Variants in SPATA13 observed in about 807,000 individuals in gnomAD.
The protein encoded by SPATA13 is spermatogenesis associated 13.
Under a neutral mutation model 104.0 loss-of-function variants are expected in SPATA13, and 50 were observed. The ratio of observed to expected loss-of-function variants is 0.48; its 90% CI spans 0.38 to 0.61. SPATA13 has a LOEUF of 0.61. Among genes scored for constraint, SPATA13 ranks in the 20% least tolerant of loss-of-function variants. The pLI, the probability that SPATA13 is intolerant of heterozygous loss-of-function variation, is 0.00. For synonymous variants in SPATA13, 606 were observed against 667.5 expected (o/e 0.91, Z 1.42); for missense variants, 1,524 against 1,690.6 (o/e 0.90, Z 1.73).
chr13:23,996,516 A>G (rs1336006279), intron 2 of SPATA13, among the ~76,000 whole-genome samples: 1 of 152,210 alleles, frequency 6.6e-6, no homozygotes, highest in African/African-American at 2.4e-5. Context: ...AAAGAAAGTC[A>G]CCTAAGAAAA....
At chr13:24,257,266 G>A (rs529430511) in intron 4 of SPATA13, among the ~76,000 whole-genome samples, 8 of 152,172 alleles carry the variant, frequency 5.3e-5, no homozygotes, top group South Asian at 2.1e-4. Flanking sequence ...AGTTTACTTC[G>A]CTGTTAGACT....
chr13:24,188,685 G>GA (rs1869311979), intron 1 of SPATA13, among the ~76,000 whole-genome samples: 1 of 152,206 alleles, frequency 6.6e-6, no homozygotes, highest in African/African-American at 2.4e-5. Flanking sequence ...TAAGATAATT[G>GA]ATGAAGATGA....
intron 1 of SPATA13, among the ~76,000 whole-genome samples, chr13:24,162,901 G>A (rs1318707494): frequency 6.6e-6 from 1 of 152,216 alleles, no homozygotes; most frequent in Non-Finnish European, 1.5e-5. Flanking sequence ...TGGAAAGGAG[G>A]TTGTTATATG....
intron 1 of SPATA13, among the ~76,000 whole-genome samples, chr13:24,208,654 CA>C (rs1210148033): frequency 6.6e-5 from 10 of 152,038 alleles, no homozygotes; most frequent in African/African-American, 2.4e-4. Flanking sequence ...ATTCTCAGTT[CA>C]TGCACCCTGG....
chr13:24,008,901 G>C (rs1191265622), intron 2 of SPATA13, among the ~76,000 whole-genome samples: 4 of 152,306 alleles, frequency 2.6e-5, no homozygotes, highest in East Asian at 1.9e-4. Flanking sequence ...GGAGGGAAGA[G>C]GGGGGAAAGC....
Position 24,303,329 on chromosome 13 carries a change from C to T in SPATA13, c.*556C>T, listed in dbSNP as rs553227093. 6.7e-5 allele frequency: 21 copies of T among 313,308 alleles called. No individual in the cohort carries two copies. The highest frequency in any genetic ancestry group is 2.2e-4 in the African/African-American group (10 of 45,298). The allele number at this position is 313,308 out of a possible 1,614,324, so 19.4% of individuals were successfully genotyped here. On this transcript the variant is annotated 3_prime_UTR_variant, in exon 13 of 13. Coordinates refer to ENST00000382108, the MANE Select transcript of SPATA13 (RefSeq NM_001166271.3). ...GGCTGACCACGGTGTTCCCTGGCAT[C>T]GTCTGTGTCCACACAGATGCTAACT...
At chr13:24,132,398 C>T (rs1264284975) in intron 3 of SPATA13, among the ~76,000 whole-genome samples, 2 of 152,172 alleles carry the variant, frequency 1.3e-5, no homozygotes, top group Non-Finnish European at 2.9e-5. Flanking sequence ...ATATATCAGA[C>T]CCTGGACAGA....
chr13:24,052,241 A>G (rs1430811144), intron 3 of SPATA13, among the ~76,000 whole-genome samples: 2 of 152,152 alleles, frequency 1.3e-5, no homozygotes, highest in African/African-American at 4.8e-5. Context: ...TCAGTTGCAT[A>G]TTAGAATTCT....
chr13:24,110,326 C>T (rs1880597483), intron 3 of SPATA13, among the ~76,000 whole-genome samples: 1 of 151,944 alleles, frequency 6.6e-6, no homozygotes, highest in Admixed American at 6.6e-5. Flanking sequence ...CTCATTCTCC[C>T]TTGTGCAATG....
At chr13:24,008,832 A>G (rs780456092) in intron 2 of SPATA13, among the ~76,000 whole-genome samples, 3 of 152,072 alleles carry the variant, frequency 2.0e-5, no homozygotes, top group South Asian at 2.1e-4. Flanking sequence ...GCTCCTGTCC[A>G]TGAAAATGAC....
intron 3 of SPATA13, among the ~76,000 whole-genome samples, chr13:24,091,982 C>A (rs1879925384): frequency 6.6e-6 from 1 of 152,106 alleles, no homozygotes; most frequent in African/African-American, 2.4e-5. Context: ...GGGAGCAGGG[C>A]AGGTTGAAAT....
chr13:24,106,496 C>T (rs1190962516), intron 3 of SPATA13, among the ~76,000 whole-genome samples: 1 of 152,128 alleles, frequency 6.6e-6, no homozygotes, highest in East Asian at 1.9e-4. Context: ...GTTTCCTGTC[C>T]CCTCACTTCA....
chr13:24,028,723 C>T (rs75286780), intron 3 of SPATA13, among the ~76,000 whole-genome samples: 1 of 152,128 alleles, frequency 6.6e-6, no homozygotes, highest in African/African-American at 2.4e-5. Flanking sequence ...TTTGTCCGTT[C>T]TTACGCTTCA....
chr13:24,286,447 C>G lies in SPATA13; in HGVS notation c.2481+54C>G. ...AAAGTACCTGGGGGAGCTGCAGGAT[C>G]CTTTCAGGTCAGAACTCGCCTTTTA... is the stretch of plus-strand genomic sequence containing the variant. On this transcript the variant is annotated intron_variant, in intron 6 of 12. Coordinates refer to ENST00000382108, the MANE Select transcript of SPATA13 (RefSeq NM_001166271.3). The surrounding 1 kb of genome is among the most constrained non-coding windows in gnomAD (Gnocchi z 4.9). The G allele has an allele frequency of 6.4e-7, 1 of 1,552,130 alleles. No individual in the cohort carries two copies. Among genetic ancestry groups the G allele is most frequent in the Non-Finnish European group, 8.7e-7 (1 of 1,144,494 alleles).
At chr13:24,120,018 A>G (rs569492173) in intron 3 of SPATA13, among the ~76,000 whole-genome samples, 18 of 152,222 alleles carry the variant, frequency 1.2e-4, no homozygotes, top group Admixed American at 3.9e-4. Flanking sequence ...ACAGAGTGAC[A>G]AGAAACAATC....
At chr13:24,207,344 C>T (rs1003415935) in intron 1 of SPATA13, among the ~76,000 whole-genome samples, 1 of 152,202 alleles carries the variant, frequency 6.6e-6, no homozygotes, top group Non-Finnish European at 1.5e-5. Flanking sequence ...GGTAACAAAT[C>T]TGCACATCCC....
chr13:24,151,415 A>G (rs1882097320), intron 3 of SPATA13, among the ~76,000 whole-genome samples: 1 of 152,250 alleles, frequency 6.6e-6, no homozygotes, highest in Admixed American at 6.5e-5. Flanking sequence ...TGAAATATGC[A>G]ACACAGTGCC....
At position 24,284,115 on chromosome 13, in the gene SPATA13, C is replaced by A; in HGVS notation, c.2165-20C>A. The stretch of plus-strand genomic sequence containing the variant: ...GTTAGCTGTGTCTTTTAAATCATGC[C>A]TTTGTTTTGTATGTTTTAGTTTCTT... On this transcript the variant is annotated intron_variant, in intron 4 of 12. Coordinates refer to ENST00000382108, the MANE Select transcript of SPATA13 (RefSeq NM_001166271.3). 6.3e-7 allele frequency: 1 copy of A among 1,588,596 alleles called. No homozygotes were observed.
intron 3 of SPATA13, among the ~76,000 whole-genome samples, chr13:24,128,459 G>A (rs1391734611): frequency 6.6e-6 from 1 of 152,192 alleles, no homozygotes; most frequent in Non-Finnish European, 1.5e-5. Flanking sequence ...AGAGAAGGGT[G>A]TTGCTCAGAG....
Sources: gnomAD v4.1 joint callset for allele counts (sites outside exome capture counted in the v4.1 genomes callset) on GRCh38, gnomAD v4.1.1 for gene constraint, Gnocchi (gnomAD v3.1) non-coding constraint, MANE v1.5 for transcripts, NCBI Gene and HGNC (gene_info 2026-07-23, HGNC 2026-07-21) for gene names.